ERAP1: variants seen among roughly 807,000 people sequenced by gnomAD.
ERAP1 encodes endoplasmic reticulum aminopeptidase 1, also known as adipocyte-derived leucine aminopeptidase.
Under a neutral mutation model 103.7 loss-of-function variants are expected in ERAP1, and 86 were observed. The observed-to-expected ratio is 0.83, with a 90% CI of 0.70 to 0.99. ERAP1 has a LOEUF of 0.99. Among genes scored for constraint, ERAP1 ranks in the 50% least tolerant of loss-of-function variants. ERAP1 has a pLI of 0.00. For synonymous variants in ERAP1, 398 were observed against 402.4 expected, an observed-to-expected ratio of 0.99 and a Z score of 0.13; for missense variants, 1,009 against 1,128.4, an observed-to-expected ratio of 0.89 and a Z score of 1.52.
upstream of ERAP1, among the ~76,000 whole-genome samples, chr5:96,811,845 T>C (rs1224666577): frequency 6.6e-6 from 1 of 152,204 alleles, no homozygotes; most frequent in African/African-American, 2.4e-5. Context: ...TTTCACAAGA[T>C]ACTGCTGTCT....
chr5:96,823,748 C>T, the ERAP1 span, among the ~76,000 whole-genome samples: 3 of 152,172 alleles, frequency 2.0e-5, no homozygotes, highest in Non-Finnish European at 4.4e-5. Context: ...AGATTTGTTT[C>T]TACCATAGAT....
chr5:96,788,412 C>T, intron 11 of ERAP1, 119 bp downstream of exon 11: 1 of 1,236,506 alleles, frequency 8.1e-7, no homozygotes, highest in South Asian at 1.3e-5. Context: ...ATAGGATACA[C>T]AGATGCAGCT....
At chr5:96,932,472 C>T in the ERAP1 span, among the ~76,000 whole-genome samples, 1 of 152,114 alleles carries the variant, frequency 6.6e-6, no homozygotes, top group Non-Finnish European at 1.5e-5. Flanking sequence ...AGCTATATTT[C>T]TCTCTATTCC....
the ERAP1 span, among the ~76,000 whole-genome samples, chr5:96,857,254 C>T: frequency 1.3e-5 from 2 of 152,186 alleles, no homozygotes; most frequent in Non-Finnish European, 2.9e-5. Flanking sequence ...ATCCTATGTG[C>T]TCTTAAAGCT....
downstream of ERAP1, chr5:96,770,015 T>A (rs944440441): frequency 2.0e-5 from 3 of 152,820 alleles, no homozygotes; most frequent in Non-Finnish European, 4.4e-5. Flanking sequence ...TGAGTAATGT[T>A]GCAGTGAATA....
chr5:96,820,046 A>G, the ERAP1 span, among the ~76,000 whole-genome samples: 1 of 152,150 alleles, frequency 6.6e-6, no homozygotes, highest in African/African-American at 2.4e-5. Context: ...TCCCAACCCA[A>G]TTCTGTTGTT....
At chr5:96,800,122 C>A (rs1449718212) in intron 3 of ERAP1, among the ~76,000 whole-genome samples, 1 of 152,214 alleles carries the variant, frequency 6.6e-6, no homozygotes, top group African/African-American at 2.4e-5. Context: ...AAAGGATGTG[C>A]TTCCAGGAGG....
chr5:96,851,549 GTTTC>G, the ERAP1 span, among the ~76,000 whole-genome samples: 9 of 152,120 alleles, frequency 5.9e-5, no homozygotes, highest in African/African-American at 2.2e-4. Context: ...CTATTCTCTG[GTTTC>G]TTTCTTTTCC....
chr5:96,843,800 G>T, the ERAP1 span, among the ~76,000 whole-genome samples: 1 of 152,122 alleles, frequency 6.6e-6, no homozygotes, highest in African/African-American at 2.4e-5. Flanking sequence ...GGTCTGGAAG[G>T]AATCAAGTCC....
the ERAP1 span, among the ~76,000 whole-genome samples, chr5:96,817,483 A>T: frequency 6.6e-6 from 1 of 152,258 alleles, no homozygotes; most frequent in Non-Finnish European, 1.5e-5. Flanking sequence ...CATTTTAAAA[A>T]CTAATTTCTA....
At chr5:96,935,193 G>A in the ERAP1 span, 5 of 152,324 alleles carry the variant, frequency 3.3e-5, no homozygotes, top group Admixed American at 1.3e-4. Flanking sequence ...TTTAAGGCTC[G>A]GAACAGGCGG....
In ERAP1 at chr5:96,776,483, T is replaced by G. The variant is rs751343187; in HGVS notation, c.2739A>C (p.Glu913Asp). The G allele has an allele frequency of 2.5e-6, 4 of 1,614,108 alleles. No homozygotes were observed. In the Admixed American group the frequency reaches 6.7e-5, roughly 27 times the overall value. ...TCCAACCGATGTTTTCTTCAATGGT[T>G]TCAATTGTCTGTTGGACACAACGGA... is the stretch of plus-strand genomic sequence containing the variant. ...SQLRCVQQTI[E>D]TIEENIGWMD... Residue 913 changes from glutamate to aspartate, a missense_variant, in exon 19 of 19, where the codon GAA (glutamate) becomes GAC (aspartate). Physicochemically the swap from Glu to Asp is conservative, Grantham distance 45 (BLOSUM62 2). Transcript: ENST00000443439.
chr5:96,765,937 G>C, intron 19 of ERAP1: 3 of 648,892 alleles, frequency 4.6e-6, no homozygotes, highest in Non-Finnish European at 5.6e-6. Flanking sequence ...AATAAAAACA[G>C]ACCATATGTT....
the ERAP1 span, chr5:96,918,850 C>T: frequency 6.6e-6 from 1 of 152,160 alleles, no homozygotes; most frequent in Non-Finnish European, 1.5e-5. Context: ...TTTTATAACC[C>T]AGCTTTAGCA....
the ERAP1 span, among the ~76,000 whole-genome samples, chr5:96,921,289 C>G: frequency 6.6e-6 from 1 of 152,240 alleles, no homozygotes; most frequent in African/African-American, 2.4e-5. Flanking sequence ...TCCAGGTCAT[C>G]AATGCATTAA....
the ERAP1 span, among the ~76,000 whole-genome samples, chr5:96,850,835 T>G: frequency 2.0e-5 from 3 of 152,176 alleles, no homozygotes; most frequent in Non-Finnish European, 4.4e-5. Context: ...ACAGAATAGT[T>G]GAGAGAAATA....
chr5:96,840,552 C>A, the ERAP1 span, among the ~76,000 whole-genome samples: 2 of 152,154 alleles, frequency 1.3e-5, no homozygotes, highest in African/African-American at 2.4e-5. Context: ...AAATGTTTCA[C>A]TTCTCTAAAT....
chr5:96,794,098 T>C (rs1777045341), intron 5 of ERAP1, 141 bp from the exon 6 acceptor site: 1 of 784,988 alleles, frequency 1.3e-6, no homozygotes, highest in Non-Finnish European at 2.1e-6. Flanking sequence ...CCTTTCACAA[T>C]GGAGAAAAAG....
intron 6 of ERAP1, 114 bp from the exon 7 acceptor site, chr5:96,793,627 G>C (rs1776982128): frequency 3.7e-6 from 4 of 1,087,700 alleles, no homozygotes; most frequent in Non-Finnish European, 4.1e-6. Flanking sequence ...ATTTAATCAA[G>C]GTAAAAATAA....
Sources: allele counts gnomAD v4.1 joint callset (sites outside exome capture counted in the v4.1 genomes callset), GRCh38; gene constraint gnomAD v4.1.1; transcripts MANE v1.5; gene names NCBI Gene and HGNC (gene_info 2026-07-23, HGNC 2026-07-21).